ADAMTS3: variants seen among roughly 807,000 people sequenced by gnomAD.
The protein encoded by ADAMTS3 is ADAM metallopeptidase with thrombospondin type 1 motif 3.
A neutral mutation model predicts 129.0 loss-of-function variants in ADAMTS3; 73 were observed. The observed-to-expected ratio is 0.57, with a 90% CI of 0.47 to 0.69. ADAMTS3 has a LOEUF of 0.69. ADAMTS3 is among the 30% of genes least tolerant of loss of function. The pLI, the probability that ADAMTS3 is intolerant of heterozygous loss-of-function variation, is 0.00. For synonymous variants in ADAMTS3, 477 were observed against 510.8 expected (o/e 0.93, Z 0.89); for missense variants, 1,457 against 1,514.5 (o/e 0.96, Z 0.63).
chr4:72,339,443 A>G (rs368641436), intron 5 of ADAMTS3, 51 bp downstream of exon 5: 15 of 1,579,006 alleles, frequency 9.5e-6, no homozygotes, highest in Non-Finnish European at 1.2e-5. Flanking sequence ...CCAACAAATA[A>G]GAGAAGTGAA....
chr4:72,496,009 A>G (rs1345680557), intron 3 of ADAMTS3, among the ~76,000 whole-genome samples: 1 of 152,258 alleles, frequency 6.6e-6, no homozygotes. Context: ...GTTAGATATC[A>G]AAAATGACTA....
chr4:72,454,971 T>C (rs1217215036), intron 3 of ADAMTS3, among the ~76,000 whole-genome samples: 1 of 151,736 alleles, frequency 6.6e-6, no homozygotes. Context: ...ACTGTATTGA[T>C]TTTTATGAGA....
intron 4 of ADAMTS3, among the ~76,000 whole-genome samples, chr4:72,362,445 G>A (rs901772916): frequency 6.6e-6 from 1 of 152,088 alleles, no homozygotes; most frequent in African/African-American, 2.4e-5. Context: ...GGTATCATGG[G>A]AAATTTAAAC....
At chr4:72,424,524 G>A (rs1051726018) in intron 3 of ADAMTS3, among the ~76,000 whole-genome samples, 2 of 151,924 alleles carry the variant, frequency 1.3e-5, no homozygotes, top group Non-Finnish European at 2.9e-5. Flanking sequence ...AGTTATTTGG[G>A]CTCCTAATAG....
At chr4:72,430,933 C>T (rs1167637666) in intron 3 of ADAMTS3, among the ~76,000 whole-genome samples, 1 of 150,134 alleles carries the variant, frequency 6.7e-6, no homozygotes, top group Non-Finnish European at 1.5e-5. Context: ...TATAAAGAAA[C>T]TTTAAAGGAA....
At chr4:72,529,715 A>G (rs1462158589) in intron 3 of ADAMTS3, among the ~76,000 whole-genome samples, 1 of 106,160 alleles carries the variant, frequency 9.4e-6, no homozygotes, top group Non-Finnish European at 1.8e-5. Context: ...ATTAAATATA[A>G]TATATATTAA....
intron 4 of ADAMTS3, among the ~76,000 whole-genome samples, chr4:72,407,271 A>T (rs1010780603): frequency 1.1e-4 from 16 of 151,854 alleles, no homozygotes; most frequent in African/African-American, 2.7e-4. Flanking sequence ...TGATGAAATT[A>T]AAAAAAATGG....
intron 20 of ADAMTS3, 45 bp from the exon 21 acceptor site, chr4:72,288,913 A>G: frequency 2.2e-6 from 2 of 925,208 alleles, no homozygotes; most frequent in South Asian, 2.8e-5. Flanking sequence ...TTGCACCAAG[A>G]CCATGCACAT....
At chr4:72,337,345 G>A (rs1434102858) in intron 5 of ADAMTS3, among the ~76,000 whole-genome samples, 2 of 151,916 alleles carry the variant, frequency 1.3e-5, no homozygotes, top group South Asian at 2.1e-4. Flanking sequence ...GCATCACTTT[G>A]TTATTCCTTT....
chr4:72,404,782 A>G (rs72656016), intron 4 of ADAMTS3, among the ~76,000 whole-genome samples: 8,611 of 151,680 alleles, frequency 0.057, 345 homozygotes, highest in Non-Finnish European at 0.086. Flanking sequence ...CAAAAAATCT[A>G]AAGAACTCCT....
intron 3 of ADAMTS3, among the ~76,000 whole-genome samples, chr4:72,453,911 T>A (rs1473967564): frequency 6.7e-6 from 1 of 148,620 alleles, no homozygotes; most frequent in Admixed American, 6.8e-5. Context: ...AAAATATATA[T>A]ATATATATGT....
chr4:72,510,358 T>C (rs530719701), intron 3 of ADAMTS3, among the ~76,000 whole-genome samples: 3 of 152,170 alleles, frequency 2.0e-5, no homozygotes, highest in East Asian at 1.9e-4. Context: ...TGATATGATG[T>C]TATATTTGGA....
At chr4:72,424,457 T>G (rs1420241993) in intron 3 of ADAMTS3, among the ~76,000 whole-genome samples, 3 of 152,102 alleles carry the variant, frequency 2.0e-5, no homozygotes. Context: ...CCATTCTAAT[T>G]CCTCTAATTT....
intron 3 of ADAMTS3, among the ~76,000 whole-genome samples, chr4:72,499,147 TC>T (rs780175006): frequency 2.6e-5 from 4 of 152,270 alleles, no homozygotes; most frequent in Non-Finnish European, 5.9e-5. Context: ...AGATCTGGAA[TC>T]TGAAAGGTCT....
intron 3 of ADAMTS3, among the ~76,000 whole-genome samples, chr4:72,524,643 A>G (rs1720762683): frequency 6.6e-6 from 1 of 152,088 alleles, no homozygotes; most frequent in South Asian, 2.1e-4. Context: ...TAAAGCTGAG[A>G]TTCAGACTAA....
At chr4:72,547,883 C>T (rs926951142) in intron 3 of ADAMTS3, among the ~76,000 whole-genome samples, 3 of 152,032 alleles carry the variant, frequency 2.0e-5, no homozygotes, top group African/African-American at 7.2e-5. Context: ...CACACTTAAC[C>T]CTCAACCACA....
intron 3 of ADAMTS3, among the ~76,000 whole-genome samples, chr4:72,420,393 C>T (rs1382273961): frequency 6.6e-6 from 1 of 152,200 alleles, no homozygotes; most frequent in Non-Finnish European, 1.5e-5. Context: ...TCCCCTAGGA[C>T]TATGCATGGC....
At chr4:72,469,639 A>G (rs1490893395) in intron 3 of ADAMTS3, among the ~76,000 whole-genome samples, 1 of 152,022 alleles carries the variant, frequency 6.6e-6, no homozygotes, top group Non-Finnish European at 1.5e-5. Flanking sequence ...CACAGATGTG[A>G]ACTGTGTGCA....
At chr4:72,418,730 A>G (rs1378115510) in intron 3 of ADAMTS3, among the ~76,000 whole-genome samples, 1 of 152,204 alleles carries the variant, frequency 6.6e-6, no homozygotes, top group Non-Finnish European at 1.5e-5. Flanking sequence ...ATGGATTTTG[A>G]TGAACAGATG....
Sources: allele counts gnomAD v4.1 joint callset (sites outside exome capture counted in the v4.1 genomes callset), GRCh38; gene constraint gnomAD v4.1.1; transcripts MANE v1.5; gene names NCBI Gene and HGNC (gene_info 2026-07-23, HGNC 2026-07-21).